Variants in TOX observed in about 807,000 individuals in gnomAD.
TOX encodes the protein thymocyte selection associated high mobility group box.
In TOX, 11 loss-of-function variants were observed where a neutral mutation model predicts 53.7. The ratio of observed to expected loss-of-function variants is 0.20; its 90% CI spans 0.13 to 0.34. The LOEUF (loss-of-function observed/expected upper bound fraction) is 0.34, where lower values mean the gene tolerates loss of function less well. Among genes scored for constraint, TOX ranks in the 10% least tolerant of loss-of-function variants. The probability of loss-of-function intolerance (pLI) is 1.00; values close to 1 mark genes in which losing one functional copy is unlikely to be tolerated. For missense variants in TOX, 570 were observed against 664.6 expected (o/e 0.86, Z 1.56); for synonymous variants, 225 against 245.3 (o/e 0.92, Z 0.77).
intron 4 of TOX, among the ~76,000 whole-genome samples, chr8:58,840,373 C>G (rs1810622905): frequency 6.6e-6 from 1 of 152,254 alleles, no homozygotes; most frequent in Admixed American, 6.5e-5. Flanking sequence ...AAGTCACTGG[C>G]CACCATGTAA....
intron 3 of TOX, among the ~76,000 whole-genome samples, chr8:58,879,060 C>CA (rs36010111): frequency 0.2 from 26,027 of 127,820 alleles, 3,263 homozygotes; most frequent in East Asian, 0.39. Context: ...GACTTCATCT[C>CA]AAAAAAAAAA....
At chr8:58,856,211 T>G (rs909315135) in intron 3 of TOX, among the ~76,000 whole-genome samples, 3 of 152,222 alleles carry the variant, frequency 2.0e-5, no homozygotes, top group African/African-American at 7.2e-5. Flanking sequence ...ACCTTATCTA[T>G]AAGGCTCCAA....
intron 7 of TOX, among the ~76,000 whole-genome samples, chr8:58,808,881 T>C (rs1810032367): frequency 6.6e-6 from 1 of 152,226 alleles, no homozygotes; most frequent in Admixed American, 6.5e-5. Flanking sequence ...GACTTGCCAT[T>C]GGAAAACACG....
chr8:59,114,901 G>T (rs371618710), intron 1 of TOX, among the ~76,000 whole-genome samples: 1 of 152,000 alleles, frequency 6.6e-6, no homozygotes, highest in Non-Finnish European at 1.5e-5. Flanking sequence ...AATGAATCTC[G>T]TTATTCTTAA....
intron 2 of TOX, among the ~76,000 whole-genome samples, chr8:58,943,177 G>A (rs1812470104): frequency 6.6e-6 from 1 of 152,192 alleles, no homozygotes; most frequent in Non-Finnish European, 1.5e-5. Context: ...ATTCGTAAAG[G>A]AGAGTTTGTG....
chr8:58,920,988 A>C (rs992017034), intron 3 of TOX, among the ~76,000 whole-genome samples: 8 of 152,232 alleles, frequency 5.3e-5, no homozygotes, highest in Non-Finnish European at 8.8e-5. Context: ...ACTCATGGAT[A>C]GGTGACAGAC....
At chr8:58,941,294 C>T (rs1812435283) in intron 2 of TOX, among the ~76,000 whole-genome samples, 1 of 152,178 alleles carries the variant, frequency 6.6e-6, no homozygotes, top group South Asian at 2.1e-4. Context: ...TATTAAAGCA[C>T]TGTACCAAGG....
At chr8:59,015,953 C>CT (rs1408655265) in intron 1 of TOX, among the ~76,000 whole-genome samples, 1 of 152,110 alleles carries the variant, frequency 6.6e-6, no homozygotes, top group African/African-American at 2.4e-5. Context: ...TACCACTAAT[C>CT]TTTTTTCCCC....
chr8:59,088,470 G>A (rs1265061599), intron 1 of TOX, among the ~76,000 whole-genome samples: 1 of 152,196 alleles, frequency 6.6e-6, no homozygotes, highest in Non-Finnish European at 1.5e-5. Flanking sequence ...AATTTTTCTA[G>A]ATCATGAGTA....
intron 2 of TOX, among the ~76,000 whole-genome samples, chr8:58,943,715 A>C: frequency 6.6e-6 from 1 of 150,794 alleles, no homozygotes; most frequent in East Asian, 2.0e-4. Flanking sequence ...ATGCTGAGGG[A>C]GGCCAGGTAT....
chr8:58,978,006 C>G (rs1563407289), intron 1 of TOX, among the ~76,000 whole-genome samples: 1 of 152,128 alleles, frequency 6.6e-6, no homozygotes, highest in Non-Finnish European at 1.5e-5. Context: ...GGGGTAGCCA[C>G]AAACTGTCAA....
rs554526832 is a variant in TOX at position 59,011,905 on chromosome 8, C to T, written c.103-51897G>A. 2.0e-5 allele frequency among the ~76,000 whole-genome samples: 3 copies of T among 152,190 alleles called. 1 individual carries two copies. The Middle Eastern group carries it at 0.01, about 518-fold the overall frequency. Reference sequence around the variant, plus strand: ...CAACCCCAATGCCACATCATGGGGACAGAAATGCTACAGAGAGGAATTCAT... The same window carrying T: ...CAACCCCAATGCCACATCATGGGGATAGAAATGCTACAGAGAGGAATTCAT... On this transcript the variant is annotated intron_variant, in intron 1 of 8. Coordinates refer to ENST00000361421, the MANE Select transcript of TOX (RefSeq NM_014729.3).
intron 3 of TOX, among the ~76,000 whole-genome samples, chr8:58,883,658 G>A (rs77443278): frequency 0.022 from 3,328 of 151,706 alleles, 64 homozygotes; most frequent in Non-Finnish European, 0.036. Flanking sequence ...TCACATTAGG[G>A]AACTTTATCT....
rs1045877627 is a variant in TOX, at chr8:58,925,779, T to C, written c.411+13523A>G. ...CCCCTGGTTTTTAAACACATCTGCA[T>C]TTTTATTCCATCTTTTAAAGTATAC... On this transcript the variant is annotated intron_variant, in intron 3 of 8. Coordinates refer to ENST00000361421, the MANE Select transcript of TOX (RefSeq NM_014729.3). Among the ~76,000 whole-genome samples the C allele has an allele frequency of 3.3e-4, 50 of 152,286 alleles. 1 individual carries two copies. Among genetic ancestry groups the C allele is most frequent in the Non-Finnish European group, 5.9e-5 (4 of 68,026 alleles).
intron 3 of TOX, among the ~76,000 whole-genome samples, chr8:58,893,168 C>G (rs2129172085): frequency 6.6e-6 from 1 of 151,906 alleles, no homozygotes; most frequent in East Asian, 1.9e-4. Flanking sequence ...GCATGGGAAT[C>G]ATGATTTGCC....
intron 1 of TOX, among the ~76,000 whole-genome samples, chr8:58,978,734 A>T (rs1344283203): frequency 6.6e-6 from 1 of 152,208 alleles, no homozygotes; most frequent in African/African-American, 2.4e-5. Context: ...ACACTGATAC[A>T]TCATTATCAC....
In TOX at chr8:58,990,413, T is replaced by TTTTA. The variant is rs548596900; in HGVS notation, c.103-30409_103-30406dup. On this transcript the variant is annotated intron_variant, in intron 1 of 8. Transcript: ENST00000361421. ...TTGTTTCTGTTATTCATTTATTTATTTTTATTTATTTATTTATTTATTTTT... is the reference window on the plus strand; with the variant it reads ...TTGTTTCTGTTATTCATTTATTTATTTTTATTTATTTATTTATTTATTTATTTTT... 4.2e-3 allele frequency among the ~76,000 whole-genome samples: 638 copies of TTTTA among 151,392 alleles called. 4 individuals are homozygous for TTTTA. Among genetic ancestry groups the TTTTA allele is most frequent in the Middle Eastern group, 0.031 (9 of 292 alleles).
chr8:58,858,621 G>A (rs1156502121), intron 3 of TOX, among the ~76,000 whole-genome samples: 2 of 152,236 alleles, frequency 1.3e-5, no homozygotes, highest in African/African-American at 4.8e-5. Flanking sequence ...GAGAACGTGA[G>A]GAATCTCTCA....
At chr8:58,957,894 C>A (rs1812738021) in intron 2 of TOX, among the ~76,000 whole-genome samples, 1 of 151,926 alleles carries the variant, frequency 6.6e-6, no homozygotes, top group Admixed American at 6.6e-5. Context: ...TAAAAGAATA[C>A]CAGGTAATGA....
Sources: gnomAD v4.1 joint callset for allele counts (sites outside exome capture counted in the v4.1 genomes callset) on GRCh38, gnomAD v4.1.1 for gene constraint, MANE v1.5 for transcripts, NCBI Gene and HGNC (gene_info 2026-07-23, HGNC 2026-07-21) for gene names.